The following MGRN1 variants were observed in gnomAD, a reference collection of about 807,000 sequenced individuals.
MGRN1 encodes E3 ubiquitin-protein ligase MGRN1.
A neutral mutation model predicts 69.2 loss-of-function variants in MGRN1; 29 were observed. That is an observed-to-expected ratio of 0.42 (90% CI 0.31 to 0.57). The LOEUF is 0.57. MGRN1 is among the 20% of genes least tolerant of loss of function. MGRN1 has a pLI of 0.15. For missense variants in MGRN1, 998 were observed against 796.2 expected (o/e 1.25, Z -3.05); for synonymous variants, 470 against 344.2 (o/e 1.37, Z -4.04).
At chr16:4,649,280 A>G (rs980881083) in intron 1 of MGRN1, 15 of 152,324 alleles carry the variant, frequency 9.8e-5, no homozygotes, top group African/African-American at 3.6e-4. Flanking sequence ...GCCTGGGGTC[A>G]CGAAATGTGT....
At chr16:4,641,558 C>A (rs1032123553) in intron 1 of MGRN1, among the ~76,000 whole-genome samples, 1 of 149,234 alleles carries the variant, frequency 6.7e-6, no homozygotes, top group East Asian at 2.0e-4. Context: ...GCTCTTGTTG[C>A]CCCAGGCTGG....
chr16:4,688,539 T>C, intron 16 of MGRN1: 1 of 1,255,988 alleles, frequency 8.0e-7, no homozygotes, highest in Non-Finnish European at 1.0e-6. Context: ...GCGCTCTGAC[T>C]CGGGGCTGCA....
chr16:4,637,107 A>C (rs1898337757), intron 1 of MGRN1, among the ~76,000 whole-genome samples: 1 of 137,472 alleles, frequency 7.3e-6, no homozygotes, highest in Admixed American at 7.4e-5. Context: ...CGACAGAGCA[A>C]GACTCCATCT....
chr16:4,635,621 C>T (rs1442462487), intron 1 of MGRN1, among the ~76,000 whole-genome samples: 1 of 151,414 alleles, frequency 6.6e-6, no homozygotes, highest in African/African-American at 2.4e-5. Flanking sequence ...TGTGGGCCAC[C>T]ACACCCAGCT....
intron 10 of MGRN1, among the ~76,000 whole-genome samples, chr16:4,676,351 G>T (rs371074442): frequency 5.9e-5 from 9 of 152,260 alleles, no homozygotes; most frequent in East Asian, 1.9e-4. Context: ...GAGGCAGGCA[G>T]TGTTGAGGAC....
At position 4,650,568 on chromosome 16, in the gene MGRN1, A is replaced by G. The variant is rs994035232; in HGVS notation, c.207+85A>G. 28 of 1,096,470 alleles carry G rather than the reference A, an allele frequency of 2.6e-5. No homozygotes were observed. In the African/African-American group the frequency reaches 4.0e-4, roughly 16 times the overall value. 67.9% of individuals were successfully genotyped at this position (1,096,470 alleles called of 1,614,324 possible). On this transcript the variant is annotated intron_variant, in intron 2 of 16. Coordinates refer to ENST00000262370, the MANE Select transcript of MGRN1 (RefSeq NM_015246.4). ...AGTCCGCATCCCAGCCATGAGGGCA[A>G]GCAGGCACCAAATCACCCCTAAAGG... is the stretch of plus-strand genomic sequence containing the variant.
intron 1 of MGRN1, among the ~76,000 whole-genome samples, chr16:4,628,310 C>T (rs915821842): frequency 5.4e-5 from 8 of 148,852 alleles, no homozygotes; most frequent in Admixed American, 1.3e-4. Flanking sequence ...GGCATGAACC[C>T]GGGAGGTGAA....
intron 1 of MGRN1, among the ~76,000 whole-genome samples, chr16:4,625,665 A>G (rs1378755134): frequency 6.6e-6 from 1 of 152,202 alleles, no homozygotes; most frequent in African/African-American, 2.4e-5. Flanking sequence ...GACACCAAGG[A>G]GGAAGTGACT....
intron 12 of MGRN1, chr16:4,680,429 A>C: frequency 3.4e-6 from 1 of 295,376 alleles, no homozygotes; most frequent in South Asian, 3.7e-5. Context: ...GCGTTTTGCA[A>C]TCGCGCCCCG....
In MGRN1 at chr16:4,677,524, G is replaced by T. The variant is rs369575372; in HGVS notation, c.1017G>T (p.Val339=). 2.1e-5 allele frequency: 34 copies of T among 1,598,078 alleles called. No homozygotes were observed. Among genetic ancestry groups the T allele is most frequent in the Non-Finnish European group, 2.9e-5 (34 of 1,178,252 alleles). Residue 339 remains valine (V), a synonymous_variant, in exon 11 of 17, where the codon GTG becomes GTT. Coordinates refer to ENST00000262370, the MANE Select transcript of MGRN1 (RefSeq NM_015246.4). ...VRKKPGALSP[V]SFSPVLAQSL... The stretch of plus-strand genomic sequence containing the variant: ...AGAAGCCAGGAGCCCTGTCCCCCGT[G>T]TCCTTCAGCCCCGTCCTGGCCCAGA...
At chr16:4,683,114 C>T in intron 14 of MGRN1, 110 bp from the exon 15 acceptor site, 3 of 1,531,196 alleles carry the variant, frequency 2.0e-6, no homozygotes, top group Middle Eastern at 1.7e-4. Flanking sequence ...GCAGCACCCC[C>T]TGGTGGAGCG....
Position 4,673,634 on chromosome 16 carries a change from A to C in MGRN1, c.932A>C (p.Asn311Thr), listed in dbSNP as rs1269222772. The change falls in exon 10 of 17, where the codon AAC becomes ACC. Residue 311 changes from asparagine to threonine, a missense_variant. By Grantham distance (65) the Asn-to-Thr change is moderately conservative (BLOSUM62 0). Transcript: ENST00000262370. ...GCCGACACGCTGCGCTACCAGGCCA[A>C]CAACTGCCCCATCTGCCGGCTGCGT... Reference protein sequence around the residue: ...SCADTLRYQANNCPICRLPFR... With the variant: ...SCADTLRYQATNCPICRLPFR... 4 of 1,613,414 alleles carry C rather than the reference A, an allele frequency of 2.5e-6. No homozygotes were observed. The South Asian group carries it at 4.4e-5, about 18-fold the overall frequency.
Position 4,652,785 on chromosome 16 carries a change from A to G in MGRN1, c.404A>G (p.Tyr135Cys). 6.2e-7 allele frequency: 1 copy of G among 1,611,194 alleles called. No homozygotes were observed. Among genetic ancestry groups the G allele is most frequent in the East Asian group, 2.2e-5 (1 of 44,760 alleles). ...GATGCCCGCGTGGCCATCACCATCTACTGCCAGGCATCGGAGGAGTTCCTG... is the reference window on the plus strand; with the variant it reads ...GATGCCCGCGTGGCCATCACCATCTGCTGCCAGGCATCGGAGGAGTTCCTG... ...DADARVAITI[Y>C]CQASEEFLNG... Residue 135 changes from tyrosine to cysteine, a missense_variant, in exon 4 of 17, where the codon TAC (tyrosine) becomes TGC (cysteine). By Grantham distance (194) the Tyr-to-Cys change is radical. Coordinates refer to ENST00000262370, the MANE Select transcript of MGRN1 (RefSeq NM_015246.4).
At chr16:4,676,266 C>T (rs2079051165) in intron 10 of MGRN1, among the ~76,000 whole-genome samples, 1 of 152,140 alleles carries the variant, frequency 6.6e-6, no homozygotes, top group Non-Finnish European at 1.5e-5. Context: ...CTGAAAGCCA[C>T]AGAGTTGCGG....
Position 4,680,031 on chromosome 16 carries a change from G to A in MGRN1, c.1066-1G>A, listed in dbSNP as rs765389600. ...AAAACATATGATTTTTATCTTGACA[G>A]TGTCCCTTTAAAAAATCAAAGCCGC... is the stretch of plus-strand genomic sequence containing the variant. On this transcript the variant is annotated splice_acceptor_variant, in intron 11 of 16. Transcript: ENST00000262370. LOFTEE classifies it high-confidence loss of function. 1.2e-4 allele frequency: 192 copies of A among 1,613,758 alleles called. No homozygotes were observed. The highest frequency in any genetic ancestry group is 1.6e-4 in the Non-Finnish European group (186 of 1,179,850).
chr16:4,674,960 A>G (rs942504124), intron 10 of MGRN1, among the ~76,000 whole-genome samples: 1 of 150,026 alleles, frequency 6.7e-6, no homozygotes, highest in Admixed American at 6.7e-5. Context: ...TTTTTAATTA[A>G]TTACTTACTT....
At chr16:4,660,669 G>A (rs538199360) in intron 5 of MGRN1, among the ~76,000 whole-genome samples, 2 of 152,366 alleles carry the variant, frequency 1.3e-5, no homozygotes, top group Admixed American at 1.3e-4. Context: ...ACCTAAAGGA[G>A]TGGCTGCCGG....
intron 2 of MGRN1, among the ~76,000 whole-genome samples, chr16:4,651,259 G>GCTGT (rs2078400750): frequency 6.6e-6 from 1 of 150,674 alleles, no homozygotes; most frequent in African/African-American, 2.5e-5. Context: ...AGTACTGTGA[G>GCTGT]CTGTCTGTTC....
At chr16:4,629,269 C>G (rs527608128) in intron 1 of MGRN1, among the ~76,000 whole-genome samples, 33 of 151,696 alleles carry the variant, frequency 2.2e-4, no homozygotes, top group African/African-American at 8.0e-4. Flanking sequence ...ACAAAGAGTT[C>G]TTTATGTGTT....
Sources: gnomAD v4.1 joint callset for allele counts (sites outside exome capture counted in the v4.1 genomes callset) on GRCh38, gnomAD v4.1.1 for gene constraint, MANE v1.5 for transcripts, NCBI Gene and HGNC (gene_info 2026-07-23, HGNC 2026-07-21) for gene names.